CTNNA2: variants seen among roughly 807,000 people sequenced by gnomAD.
CTNNA2 encodes catenin alpha-2.
In CTNNA2, 42 loss-of-function variants were observed where a neutral mutation model predicts 101.0. The ratio of observed to expected loss-of-function variants is 0.42; its 90% CI spans 0.32 to 0.54. The LOEUF (loss-of-function observed/expected upper bound fraction) is 0.54, where lower values mean the gene tolerates loss of function less well. Ranked by LOEUF, CTNNA2 falls within the 20% of genes least tolerant of loss-of-function variation. The probability of loss-of-function intolerance (pLI) is 0.14; values close to 1 mark genes in which losing one functional copy is unlikely to be tolerated. For missense variants in CTNNA2, 871 were observed against 1,223.1 expected, an observed-to-expected ratio of 0.71 and a Z score of 4.29; for synonymous variants, 450 against 456.4, an observed-to-expected ratio of 0.99 and a Z score of 0.18.
chr2:80,075,900 A>C (rs1190941865), intron 7 of CTNNA2, among the ~76,000 whole-genome samples: 1 of 151,488 alleles, frequency 6.6e-6, no homozygotes, highest in African/African-American at 2.4e-5. Context: ...TGACTATGAA[A>C]TGCTTACTCA....
intron 15 of CTNNA2, among the ~76,000 whole-genome samples, chr2:80,600,630 A>AT (rs1169110359): frequency 6.6e-6 from 1 of 152,148 alleles, no homozygotes; most frequent in African/African-American, 2.4e-5. Context: ...AATGAAAATT[A>AT]TTTTTTTAAT....
At chr2:80,644,082 T>G (rs1673788975) in intron 18 of CTNNA2, among the ~76,000 whole-genome samples, 1 of 152,088 alleles carries the variant, frequency 6.6e-6, no homozygotes, top group African/African-American at 2.4e-5. Flanking sequence ...AAGTGATGCT[T>G]CGGGGGAACA....
At chr2:80,245,735 A>AT (rs1413122381) in intron 7 of CTNNA2, among the ~76,000 whole-genome samples, 1 of 148,714 alleles carries the variant, frequency 6.7e-6, no homozygotes, top group Non-Finnish European at 1.5e-5. Context: ...GTGGTACTTC[A>AT]TGACATCTCT....
chr2:79,356,049 G>C (rs1677501473), intron 3 of CTNNA2, among the ~76,000 whole-genome samples: 3 of 151,466 alleles, frequency 2.0e-5, no homozygotes, highest in Admixed American at 6.6e-5. Flanking sequence ...GCATTTTACA[G>C]TCCTACCAGC....
intron 3 of CTNNA2, among the ~76,000 whole-genome samples, chr2:79,815,565 G>A (rs111792847): frequency 7.0e-4 from 107 of 152,216 alleles, no homozygotes; most frequent in African/African-American, 2.5e-3. Flanking sequence ...AAGATCAGTT[G>A]GCTGTATGTA....
intron 7 of CTNNA2, among the ~76,000 whole-genome samples, chr2:80,002,000 C>G (rs1558717563): frequency 1.3e-5 from 2 of 152,180 alleles, no homozygotes; most frequent in Non-Finnish European, 2.9e-5. Context: ...CTCTGTACTT[C>G]CAAGTTATCT....
intron 7 of CTNNA2, among the ~76,000 whole-genome samples, chr2:80,048,299 G>A (rs984538259): frequency 2.6e-5 from 4 of 152,050 alleles, no homozygotes; most frequent in African/African-American, 7.3e-5. Context: ...ATTATTTGGC[G>A]GCCTTAAGAG....
chr2:80,472,876 T>C (rs1291183706), intron 9 of CTNNA2, among the ~76,000 whole-genome samples: 3 of 152,120 alleles, frequency 2.0e-5, no homozygotes, highest in African/African-American at 7.2e-5. Context: ...CTCCAGTTAT[T>C]GTCATTACAC....
At chr2:79,263,100 G>T (rs1411325391) in intron 2 of CTNNA2, among the ~76,000 whole-genome samples, 3 of 152,210 alleles carry the variant, frequency 2.0e-5, no homozygotes, top group Non-Finnish European at 4.4e-5. Context: ...GCAAGAATGT[G>T]TGAAAAACAG....
intron 7 of CTNNA2, among the ~76,000 whole-genome samples, chr2:80,278,293 C>G (rs1674084307): frequency 6.6e-6 from 1 of 152,040 alleles, no homozygotes; most frequent in Non-Finnish European, 1.5e-5. Flanking sequence ...ACAAAAAGCT[C>G]CCAGATTTTA....
intron 7 of CTNNA2, among the ~76,000 whole-genome samples, chr2:80,025,714 G>T (rs1385563321): frequency 6.6e-6 from 1 of 152,134 alleles, no homozygotes; most frequent in Non-Finnish European, 1.5e-5. Context: ...TAAGGTAATG[G>T]AATATAAGGA....
At chr2:79,937,546 A>G (rs1409266984) in intron 7 of CTNNA2, among the ~76,000 whole-genome samples, 1 of 152,224 alleles carries the variant, frequency 6.6e-6, no homozygotes, top group East Asian at 1.9e-4. Context: ...CTGTATTTAC[A>G]AGGCTAATGG....
intron 6 of CTNNA2, among the ~76,000 whole-genome samples, chr2:79,881,729 C>A (rs1011426047): frequency 6.6e-6 from 1 of 151,674 alleles, no homozygotes; most frequent in Non-Finnish European, 1.5e-5. Context: ...CTCCTGAATA[C>A]AGCACACTGA....
intron 7 of CTNNA2, among the ~76,000 whole-genome samples, chr2:80,390,117 C>G (rs1335466261): frequency 6.6e-6 from 1 of 152,186 alleles, no homozygotes; most frequent in Non-Finnish European, 1.5e-5. Context: ...ACCTTGCCTT[C>G]TTGTCTACAT....
At chr2:80,208,574 C>T (rs1289336005) in intron 7 of CTNNA2, among the ~76,000 whole-genome samples, 1 of 152,106 alleles carries the variant, frequency 6.6e-6, no homozygotes, top group African/African-American at 2.4e-5. Flanking sequence ...AGGATTGTTA[C>T]CTTATGGGAG....
At chr2:80,596,984 G>C (rs1262668368) in intron 15 of CTNNA2, among the ~76,000 whole-genome samples, 1 of 152,102 alleles carries the variant, frequency 6.6e-6, no homozygotes, top group African/African-American at 2.4e-5. Flanking sequence ...TTTGTCACTG[G>C]TTCTGTTTAT....
chr2:80,563,427 A>G (rs1013193847), intron 12 of CTNNA2, among the ~76,000 whole-genome samples: 2 of 152,230 alleles, frequency 1.3e-5, no homozygotes, highest in Non-Finnish European at 2.9e-5. Flanking sequence ...AGTTTTGGTA[A>G]TGAAAAAATG....
chr2:79,924,783 C>T (rs1289070990), intron 7 of CTNNA2, among the ~76,000 whole-genome samples: 1 of 152,034 alleles, frequency 6.6e-6, no homozygotes, highest in Non-Finnish European at 1.5e-5. Flanking sequence ...TTGATCTAGG[C>T]ACTCTGTTGT....
intron 7 of CTNNA2, among the ~76,000 whole-genome samples, chr2:80,259,292 G>A (rs1291042521): frequency 6.6e-6 from 1 of 152,126 alleles, no homozygotes; most frequent in South Asian, 2.1e-4. Context: ...TGAATGTCAG[G>A]GTTTTGAGAG....
Sources: gnomAD v4.1 joint callset for allele counts (sites outside exome capture counted in the v4.1 genomes callset) on GRCh38, gnomAD v4.1.1 for gene constraint, MANE v1.5 for transcripts, NCBI Gene and HGNC (gene_info 2026-07-23, HGNC 2026-07-21) for gene names.